Variants in LPGAT1 observed in about 807,000 individuals in gnomAD.
The protein encoded by LPGAT1 is acyl-CoA:lysophosphatidylglycerol acyltransferase 1.
Under a neutral mutation model 47.5 loss-of-function variants are expected in LPGAT1, and 11 were observed. The ratio of observed to expected loss-of-function variants is 0.23; its 90% CI spans 0.15 to 0.38. LPGAT1 has a LOEUF of 0.38. Ranked by LOEUF, LPGAT1 falls within the 10% of genes least tolerant of loss-of-function variation. LPGAT1 has a pLI of 1.00. For synonymous variants in LPGAT1, 138 were observed against 144.2 expected (o/e 0.96, Z 0.31); for missense variants, 293 against 439.0 (o/e 0.67, Z 2.97).
chr1:211,759,402 A>G (rs754327483), intron 6 of LPGAT1, among the ~76,000 whole-genome samples: 1 of 152,156 alleles, frequency 6.6e-6, no homozygotes, highest in African/African-American at 2.4e-5. Flanking sequence ...TTTAGTAACT[A>G]TAAGATTTGT....
Position 211,830,269 on chromosome 1 carries a change from C to T in LPGAT1, c.-28+304G>A, listed in dbSNP as rs552557989. 2 of 1,009,870 alleles carry T rather than the reference C, an allele frequency of 2.0e-6. No individual in the cohort carries two copies. Among genetic ancestry groups the T allele is most frequent in the South Asian group, 4.6e-5 (1 of 21,572 alleles). 62.6% of individuals were successfully genotyped at this position (1,009,870 alleles called of 1,614,324 possible). On this transcript the variant is annotated intron_variant, in intron 1 of 7. Coordinates refer to ENST00000366997, the MANE Select transcript of LPGAT1 (RefSeq NM_014873.3). This position sits in a 1 kb window ranked among gnomAD's most constrained non-coding sequence, Gnocchi z 5.9. Reference sequence around the variant, plus strand: ...GTCGCGGTCATGGACGCGGTGGCGGCCCAAGCGGCCCGAGGCGCTGCGCGA... The same window carrying T: ...GTCGCGGTCATGGACGCGGTGGCGGTCCAAGCGGCCCGAGGCGCTGCGCGA...
intron 2 of LPGAT1, among the ~76,000 whole-genome samples, chr1:211,819,501 C>CA (rs982523786): frequency 1.3e-5 from 2 of 151,274 alleles, no homozygotes; most frequent in African/African-American, 2.4e-5. Flanking sequence ...CCAACAACAA[C>CA]AAAAAAAACC....
chr1:211,783,931 A>C (rs1027700322), intron 4 of LPGAT1, among the ~76,000 whole-genome samples: 4 of 152,234 alleles, frequency 2.6e-5, no homozygotes, highest in African/African-American at 9.6e-5. Context: ...AAAACAGTAA[A>C]AGGATAGAAA....
intron 6 of LPGAT1, among the ~76,000 whole-genome samples, chr1:211,760,337 C>T (rs1657642184): frequency 6.6e-6 from 1 of 152,170 alleles, no homozygotes; most frequent in Non-Finnish European, 1.5e-5. Flanking sequence ...TGCCTGTAGT[C>T]CCAGCAACTC....
intron 6 of LPGAT1, among the ~76,000 whole-genome samples, chr1:211,757,441 A>G (rs898859579): frequency 6.6e-6 from 1 of 152,220 alleles, no homozygotes; most frequent in African/African-American, 2.4e-5. Context: ...ACATATATAC[A>G]TATATTTGGC....
At chr1:211,816,609 A>G (rs1265634430) in intron 2 of LPGAT1, among the ~76,000 whole-genome samples, 1 of 152,214 alleles carries the variant, frequency 6.6e-6, no homozygotes, top group African/African-American at 2.4e-5. Context: ...GCTTTTATTC[A>G]TTTACACATG....
At chr1:211,819,943 C>G (rs1241076580) in intron 2 of LPGAT1, among the ~76,000 whole-genome samples, 2 of 151,960 alleles carry the variant, frequency 1.3e-5, no homozygotes, top group Non-Finnish European at 1.5e-5. Context: ...CAAGACTGCA[C>G]CACTACACTC....
chr1:211,802,078 A>G (rs1659595379), intron 2 of LPGAT1, among the ~76,000 whole-genome samples: 2 of 130,754 alleles, frequency 1.5e-5, no homozygotes, highest in Non-Finnish European at 3.3e-5. Flanking sequence ...ACAGAGTGAG[A>G]CTCTGTCTCA....
At chr1:211,829,464 A>T (rs965052750) in intron 1 of LPGAT1, 141 bp from the exon 2 acceptor site, 2 of 1,444,796 alleles carry the variant, frequency 1.4e-6, no homozygotes, top group Non-Finnish European at 1.8e-6. Flanking sequence ...GTGATCTCTC[A>T]GGGGAAATTC....
At position 211,749,386 on chromosome 1, in the gene LPGAT1, G is replaced by A. The variant is rs989363372; in HGVS notation, c.*513C>T. ...TTGTTACTGCAACAGACTGGAGTTT[G>A]TTACTGCAACAGACTGGAGTTTGTT... is the stretch of plus-strand genomic sequence containing the variant. On this transcript the variant is annotated 3_prime_UTR_variant, in exon 8 of 8. Transcript: ENST00000366997. 1 of 158,034 alleles carries A rather than the reference G, an allele frequency of 6.3e-6. No individual in the cohort carries two copies. Among genetic ancestry groups the A allele is most frequent in the African/African-American group, 2.4e-5 (1 of 41,472 alleles). 9.8% of individuals were successfully genotyped at this position (158,034 alleles called of 1,614,324 possible).
chr1:211,797,311 CTTTTT>C (rs200601647), intron 2 of LPGAT1, among the ~76,000 whole-genome samples: 1 of 122,644 alleles, frequency 8.2e-6, no homozygotes, highest in Admixed American at 8.7e-5. Flanking sequence ...CTTTCCTTTT[CTTTTT>C]TTTTTTTTTT....
intron 6 of LPGAT1, among the ~76,000 whole-genome samples, chr1:211,769,983 C>T (rs1418387633): frequency 6.6e-6 from 1 of 152,108 alleles, no homozygotes; most frequent in Non-Finnish European, 1.5e-5. Flanking sequence ...GTTCAAATGC[C>T]TCTGACAAGA....
chr1:211,782,506 G>A (rs1465503822), intron 5 of LPGAT1, among the ~76,000 whole-genome samples: 1 of 152,170 alleles, frequency 6.6e-6, no homozygotes, highest in Admixed American at 6.5e-5. Context: ...GGCCAAGGCA[G>A]GAGTATCACT....
chr1:211,792,984 A>G, intron 3 of LPGAT1, 88 bp downstream of exon 3: 3 of 837,658 alleles, frequency 3.6e-6, no homozygotes, highest in East Asian at 2.8e-5. Flanking sequence ...TGCTGGGATT[A>G]CAGACATGAG....
chr1:211,747,338 C>T lies in LPGAT1; in HGVS notation c.*2561G>A, dbSNP rs753800014. 20 of 152,136 alleles carry T rather than the reference C, an allele frequency of 1.3e-4. No individual in the cohort carries two copies. The highest frequency in any genetic ancestry group is 3.1e-4 in the African/African-American group (13 of 41,432). 9.4% of individuals were successfully genotyped at this position (152,136 alleles called of 1,614,324 possible). A position where few individuals can be genotyped will look rare whatever the true frequency, so the allele number is the denominator to read the frequency against. On this transcript the variant is annotated 3_prime_UTR_variant, in exon 8 of 8. Transcript: ENST00000366997. ...AGGATAGGGCAGATCAAATACACAT[C>T]TATTTACAACTCACGGAGATATTTA... is the stretch of plus-strand genomic sequence containing the variant.
Position 211,830,700 on chromosome 1 carries a change from C to A in LPGAT1, c.-155G>T. On this transcript the variant is annotated 5_prime_UTR_variant, in exon 1 of 8. Transcript: ENST00000366997. The surrounding 1 kb of genome is among the most constrained non-coding windows in gnomAD (Gnocchi z 5.9). ...GCCCCGCTCCGGCTGTGGCGCGGCC[C>A]GCGCCCGTTCCCCGGCGGCGCCGAG... The A allele has an allele frequency of 8.4e-7, 1 of 1,189,434 alleles. No individual in the cohort carries two copies. Among genetic ancestry groups the A allele is most frequent in the Non-Finnish European group, 1.0e-6 (1 of 960,646 alleles). The allele number at this position is 1,189,434 out of a possible 1,614,324, so 73.7% of individuals were successfully genotyped here.
chr1:211,793,380 T>C (rs987818187), intron 2 of LPGAT1, 190 bp from the exon 3 acceptor site: 10 of 239,206 alleles, frequency 4.2e-5, no homozygotes, highest in African/African-American at 6.9e-5. Flanking sequence ...CCCCCAAATA[T>C]ACATTAAAAT....
chr1:211,803,611 A>G (rs1039261473), intron 2 of LPGAT1, among the ~76,000 whole-genome samples: 3 of 152,230 alleles, frequency 2.0e-5, no homozygotes, highest in African/African-American at 7.2e-5. Context: ...AACTCTGTGC[A>G]GGAAAGTAAA....
rs1558280822 is a variant in LPGAT1, at chr1:211,811,788, CG to C, written c.238+17270del. Among the ~76,000 whole-genome samples, 257 of 149,570 alleles carry C rather than the reference CG, an allele frequency of 1.7e-3. 2 individuals carry two copies. The highest frequency in any genetic ancestry group is 2.6e-3 in the Non-Finnish European group (174 of 66,996). On this transcript the variant is annotated intron_variant, in intron 2 of 7. Transcript: ENST00000366997. ...TCCCGCCACTGCACTCCAGCCTGGG[CG>C]ACAGAGTGAGACTCTGCCATCCCGC...
Sources: gnomAD v4.1 joint callset for allele counts (sites outside exome capture counted in the v4.1 genomes callset) on GRCh38, gnomAD v4.1.1 for gene constraint, Gnocchi (gnomAD v3.1) non-coding constraint, MANE v1.5 for transcripts, NCBI Gene and HGNC (gene_info 2026-07-23, HGNC 2026-07-21) for gene names.